The following CCDC73 variants were observed in gnomAD, a reference collection of about 807,000 sequenced individuals.
CCDC73 encodes the protein coiled-coil domain-containing protein 73.
CCDC73 carries 95 observed loss-of-function variants against 116.5 expected under a neutral mutation model. The observed-to-expected ratio is 0.82, with a 90% CI of 0.69 to 0.97. The LOEUF (loss-of-function observed/expected upper bound fraction) is 0.97. Ranked by LOEUF, CCDC73 falls within the 50% of genes least tolerant of loss-of-function variation. The pLI is 0.00. For synonymous variants in CCDC73, 398 were observed against 401.3 expected (o/e 0.99, Z 0.10); for missense variants, 1,066 against 1,206.8 (o/e 0.88, Z 1.73).
chr11:32,685,375 A>G (rs187931082), intron 6 of CCDC73, among the ~76,000 whole-genome samples: 1 of 152,210 alleles, frequency 6.6e-6, no homozygotes, highest in East Asian at 1.9e-4. Context: ...TGTTAAAGAA[A>G]AACGATAAAT....
At chr11:32,604,837 T>C (rs1207855628) in intron 17 of CCDC73, 1 of 152,106 alleles carries the variant, frequency 6.6e-6, no homozygotes, top group Non-Finnish European at 1.5e-5. Flanking sequence ...CAGTGTTAGA[T>C]TATGTAGTAC....
chr11:32,670,829 A>G (rs1590583533), intron 9 of CCDC73, among the ~76,000 whole-genome samples: 2 of 152,320 alleles, frequency 1.3e-5, no homozygotes, highest in East Asian at 3.9e-4. Context: ...AATTATTGCT[A>G]TAAGACAATA....
Position 32,614,383 on chromosome 11 carries a change from A to G in CCDC73, c.1935T>C (p.Tyr645=), listed in dbSNP as rs1197552819. The G allele has an allele frequency of 2.9e-5, 46 of 1,612,976 alleles. No homozygotes were observed. The highest frequency in any genetic ancestry group is 3.5e-5 in the Non-Finnish European group (41 of 1,179,410). ...TAACATTACTTGAATTCCGTAAACT[A>G]TATTTCTGACATGGAACAGGATTTT... ...IKKNPVPCQK[Y]SLRNSSNVML... Residue 645 remains tyrosine, a synonymous_variant, in exon 16 of 18, where the codon TAT becomes TAC. Coordinates refer to ENST00000335185, the MANE Select transcript of CCDC73 (RefSeq NM_001008391.4).
intron 1 of CCDC73, among the ~76,000 whole-genome samples, chr11:32,768,633 A>G (rs1220621684): frequency 1.3e-5 from 2 of 152,234 alleles, no homozygotes; most frequent in African/African-American, 4.8e-5. Flanking sequence ...AAATGCTTCC[A>G]GATTGATAAT....
intron 9 of CCDC73, among the ~76,000 whole-genome samples, chr11:32,667,465 G>A (rs1299108201): frequency 6.6e-6 from 1 of 152,214 alleles, no homozygotes; most frequent in East Asian, 1.9e-4. Context: ...TCCAAGCCAG[G>A]CACAGGATAT....
chr11:32,705,888 A>G (rs1448220660), intron 3 of CCDC73, among the ~76,000 whole-genome samples: 1 of 152,138 alleles, frequency 6.6e-6, no homozygotes, highest in African/African-American at 2.4e-5. Flanking sequence ...GCCACATGGT[A>G]TGCCATGATT....
chr11:32,661,900 G>T (rs560670475), intron 9 of CCDC73, among the ~76,000 whole-genome samples: 2 of 151,348 alleles, frequency 1.3e-5, no homozygotes, highest in South Asian at 2.1e-4. Context: ...TGTTCTCATT[G>T]TTCAATTCCC....
chr11:32,602,846 CTGCTTT>C lies in CCDC73; in HGVS notation c.3199_3204del (p.Lys1067_Ala1068del). On this transcript the variant is annotated inframe_deletion, in exon 18 of 18. Transcript: ENST00000335185. ...CTGTTGTTTTTTTCCAACGTCTCTTCTGCTTTTCTTTTCTTTGGCTGGTTGTCATTT... is the reference window on the plus strand; with the variant it reads ...CTGTTGTTTTTTTCCAACGTCTCTTCTCTTTTCTTTGGCTGGTTGTCATTT... 5 of 1,608,364 alleles carry C rather than the reference CTGCTTT, an allele frequency of 3.1e-6. No individual in the cohort carries two copies. Among genetic ancestry groups the C allele is most frequent in the Non-Finnish European group, 4.2e-6 (5 of 1,177,722 alleles).
At chr11:32,828,621 G>A in the CCDC73 span, among the ~76,000 whole-genome samples, 1 of 151,984 alleles carries the variant, frequency 6.6e-6, no homozygotes, top group Non-Finnish European at 1.5e-5. Context: ...TGTTAAGCAC[G>A]TTCTTTGGAT....
chr11:32,719,224 A>G (rs1486264798), intron 2 of CCDC73, among the ~76,000 whole-genome samples: 1 of 152,210 alleles, frequency 6.6e-6, no homozygotes, highest in African/African-American at 2.4e-5. Context: ...ATAAGGTATC[A>G]CTAGAGAAAT....
At chr11:32,830,411 G>A in the CCDC73 span, 1 of 1,055,192 alleles carries the variant, frequency 9.5e-7, no homozygotes, top group Non-Finnish European at 1.3e-6. Context: ...TTGCGCCTAG[G>A]CTTTGAGTAC....
the CCDC73 span, among the ~76,000 whole-genome samples, chr11:32,816,177 T>A: frequency 6.6e-6 from 1 of 152,164 alleles, no homozygotes; most frequent in Non-Finnish European, 1.5e-5. Flanking sequence ...AGTATAGATA[T>A]ATTAACCTAA....
At chr11:32,799,312 G>A (rs983132044), upstream of CCDC73, among the ~76,000 whole-genome samples, 1 of 151,738 alleles carries the variant, frequency 6.6e-6, no homozygotes, top group Non-Finnish European at 1.5e-5. Context: ...GGCTAGTCTC[G>A]AACTCCCGAC....
intron 9 of CCDC73, among the ~76,000 whole-genome samples, chr11:32,667,148 T>C (rs1321749102): frequency 2.6e-5 from 4 of 152,178 alleles, no homozygotes; most frequent in Non-Finnish European, 1.5e-5. Context: ...CATTCTCAGA[T>C]CTCAAACTCC....
intron 1 of CCDC73, among the ~76,000 whole-genome samples, chr11:32,764,867 C>A (rs1850426476): frequency 6.6e-6 from 1 of 152,010 alleles, no homozygotes; most frequent in Admixed American, 6.6e-5. Context: ...TTCAGGAGAC[C>A]CATCTCATGT....
At chr11:32,784,525 A>G (rs1850610844) in intron 1 of CCDC73, among the ~76,000 whole-genome samples, 1 of 152,198 alleles carries the variant, frequency 6.6e-6, no homozygotes, top group Admixed American at 6.5e-5. Context: ...AAGACAAAAG[A>G]AAGTTAAATC....
chr11:32,735,412 C>T (rs1221385344), intron 2 of CCDC73, among the ~76,000 whole-genome samples: 2 of 152,188 alleles, frequency 1.3e-5, no homozygotes, highest in East Asian at 3.8e-4. Context: ...AACTCCCATT[C>T]ACAGTTGCTT....
At chr11:32,771,411 C>A (rs34506638) in intron 1 of CCDC73, among the ~76,000 whole-genome samples, 12,849 of 152,182 alleles carry the variant, frequency 0.084, 620 homozygotes, top group South Asian at 0.12. Flanking sequence ...AAGAAACATC[C>A]CATGCCCCTG....
intron 14 of CCDC73, among the ~76,000 whole-genome samples, chr11:32,619,302 T>C (rs1855501768): frequency 6.6e-6 from 1 of 152,210 alleles, no homozygotes. Flanking sequence ...CACATTTAGA[T>C]GTATGGGAAA....
Sources: gnomAD v4.1 joint callset for allele counts (sites outside exome capture counted in the v4.1 genomes callset) on GRCh38, gnomAD v4.1.1 for gene constraint, MANE v1.5 for transcripts, NCBI Gene and HGNC (gene_info 2026-07-23, HGNC 2026-07-21) for gene names.